The following FHOD3 variants were observed in gnomAD, a reference collection of about 807,000 sequenced individuals.
FHOD3 encodes FH1/FH2 domain-containing protein 3.
Under a neutral mutation model 173.0 loss-of-function variants are expected in FHOD3, and 90 were observed. That is an observed-to-expected ratio of 0.52 (90% CI 0.44 to 0.62). The LOEUF (loss-of-function observed/expected upper bound fraction) is 0.62. FHOD3 is among the 20% of genes least tolerant of loss of function. The pLI, the probability that FHOD3 is intolerant of heterozygous loss-of-function variation, is 0.00. For synonymous variants in FHOD3, 828 were observed against 823.0 expected (o/e 1.01, Z -0.10); for missense variants, 1,945 against 2,034.7 (o/e 0.96, Z 0.85).
chr18:36,548,998 C>T (rs1268141676), intron 5 of FHOD3, among the ~76,000 whole-genome samples: 2 of 152,136 alleles, frequency 1.3e-5, no homozygotes, highest in African/African-American at 4.8e-5. Context: ...AAAATACTTC[C>T]AAACAACTTC....
chr18:36,457,547 A>G (rs1393617571), intron 3 of FHOD3, among the ~76,000 whole-genome samples: 1 of 146,806 alleles, frequency 6.8e-6, no homozygotes, highest in Non-Finnish European at 1.5e-5. Flanking sequence ...CTTCAAAAAG[A>G]AAAAAAGGGA....
intron 20 of FHOD3, among the ~76,000 whole-genome samples, chr18:36,739,281 A>G (rs1461663240): frequency 1.3e-5 from 2 of 152,238 alleles, no homozygotes; most frequent in African/African-American, 2.4e-5. Context: ...ATAGATTTAC[A>G]TGAGTATAAA....
chr18:36,411,711 A>G (rs957833663), intron 3 of FHOD3, among the ~76,000 whole-genome samples: 11 of 152,234 alleles, frequency 7.2e-5, no homozygotes, highest in African/African-American at 2.4e-4. Context: ...TGAGTGGCCC[A>G]GGAGAATGCT....
intron 3 of FHOD3, among the ~76,000 whole-genome samples, chr18:36,424,492 C>T (rs1056259760): frequency 2.0e-5 from 3 of 152,078 alleles, no homozygotes; most frequent in Admixed American, 6.6e-5. Flanking sequence ...AATGTCAGTA[C>T]GTGAGGGCAG....
chr18:36,467,866 C>T (rs181315293), intron 3 of FHOD3, among the ~76,000 whole-genome samples: 335 of 152,332 alleles, frequency 2.2e-3, no homozygotes, highest in African/African-American at 7.5e-3. Flanking sequence ...TGGCTCCAGG[C>T]GTTCTGCGGG....
chr18:36,733,877 G>C (rs2041498128), intron 20 of FHOD3, among the ~76,000 whole-genome samples: 1 of 152,130 alleles, frequency 6.6e-6, no homozygotes, highest in South Asian at 2.1e-4. Flanking sequence ...GTGTGCCCAG[G>C]CTCCCAAGCC....
intron 4 of FHOD3, among the ~76,000 whole-genome samples, chr18:36,505,444 C>T (rs2055255684): frequency 6.6e-6 from 1 of 152,116 alleles, no homozygotes; most frequent in African/African-American, 2.4e-5. Context: ...GAAAACATTG[C>T]ATGAAGCTAA....
chr18:36,536,293 A>G (rs955085481), intron 5 of FHOD3, among the ~76,000 whole-genome samples: 2 of 152,240 alleles, frequency 1.3e-5, no homozygotes, highest in Admixed American at 1.3e-4. Context: ...TTATACAAAT[A>G]CAATTTCATC....
chr18:36,558,320 G>C (rs913461636), intron 5 of FHOD3, among the ~76,000 whole-genome samples: 49 of 152,198 alleles, frequency 3.2e-4, no homozygotes, highest in African/African-American at 1.1e-3. Context: ...TGGGCCACTG[G>C]AGGGCTCACC....
intron 1 of FHOD3, among the ~76,000 whole-genome samples, chr18:36,349,965 AT>A (rs1410893639): frequency 1.3e-5 from 2 of 152,070 alleles, no homozygotes; most frequent in Admixed American, 1.3e-4. Context: ...TTTGGTGGAG[AT>A]GGGGTTTCAC....
At chr18:36,660,557 C>T (rs889356552) in intron 14 of FHOD3, among the ~76,000 whole-genome samples, 1 of 152,208 alleles carries the variant, frequency 6.6e-6, no homozygotes, top group African/African-American at 2.4e-5. Flanking sequence ...GCAGAGTTGG[C>T]TGCCGCCTGG....
At chr18:36,625,899 A>G in intron 10 of FHOD3, 150 bp downstream of exon 10, 1 of 629,058 alleles carries the variant, frequency 1.6e-6, no homozygotes, top group Non-Finnish European at 2.5e-6. Context: ...ACCACCAGCC[A>G]AACATCTCGG....
At chr18:36,515,830 C>G (rs1003075483) in intron 5 of FHOD3, among the ~76,000 whole-genome samples, 1 of 152,182 alleles carries the variant, frequency 6.6e-6, no homozygotes, top group African/African-American at 2.4e-5. Flanking sequence ...ATCTGAAAGA[C>G]GAGCACTCCA....
intron 17 of FHOD3, among the ~76,000 whole-genome samples, chr18:36,699,939 C>G (rs2039489988): frequency 6.6e-6 from 1 of 152,194 alleles, no homozygotes; most frequent in South Asian, 2.1e-4. Flanking sequence ...CCATCCCCCT[C>G]TGGATGCCTC....
intron 1 of FHOD3, among the ~76,000 whole-genome samples, chr18:36,319,577 A>G (rs535099801): frequency 6.6e-5 from 10 of 152,322 alleles, no homozygotes; most frequent in African/African-American, 9.6e-5. Flanking sequence ...AGACAGATCA[A>G]TGAGACAGAA....
At chr18:36,598,091 G>A (rs1475876721) in intron 7 of FHOD3, among the ~76,000 whole-genome samples, 3 of 152,296 alleles carry the variant, frequency 2.0e-5, no homozygotes, top group East Asian at 1.9e-4. Flanking sequence ...TCTCAACTGG[G>A]TGAGAGAGCA....
chr18:36,346,366 A>T (rs1344360061), intron 1 of FHOD3, among the ~76,000 whole-genome samples: 1 of 152,142 alleles, frequency 6.6e-6, no homozygotes, highest in East Asian at 1.9e-4. Flanking sequence ...ACCCTGCCTC[A>T]AAACAAAAAA....
At position 36,519,635 on chromosome 18, in the gene FHOD3, G is replaced by C. The variant is rs74865103; in HGVS notation, c.511+7092G>C. Among the ~76,000 whole-genome samples the C allele has an allele frequency of 9.5e-3, 1,450 of 152,312 alleles. 25 individuals are homozygous for C. Among genetic ancestry groups the C allele is most frequent in the African/African-American group, 0.032 (1,312 of 41,564 alleles). On this transcript the variant is annotated intron_variant, in intron 5 of 28. Coordinates refer to ENST00000590592, the MANE Select transcript of FHOD3 (RefSeq NM_001281740.3). ...TCAAGTGGGCAAGGAGCTCCTGCCA[G>C]GGGAAGCAAGGCAAGGCCAGGGCCA...
At chr18:36,590,687 A>AT (rs935021726) in intron 6 of FHOD3, among the ~76,000 whole-genome samples, 118 of 152,286 alleles carry the variant, frequency 7.7e-4, no homozygotes, top group African/African-American at 2.7e-3. Flanking sequence ...ATGTTTGGGG[A>AT]TTTTTTTAAA....
Sources: gnomAD v4.1 joint callset for allele counts (sites outside exome capture counted in the v4.1 genomes callset) on GRCh38, gnomAD v4.1.1 for gene constraint, MANE v1.5 for transcripts, NCBI Gene and HGNC (gene_info 2026-07-23, HGNC 2026-07-21) for gene names.